Variants in NCOR2 observed in about 807,000 individuals in gnomAD.
NCOR2 encodes nuclear receptor corepressor 2, also known as CTG repeat protein 26.
A neutral mutation model predicts 262.9 loss-of-function variants in NCOR2; 81 were observed. The observed-to-expected ratio is 0.31, with a 90% confidence interval of 0.26 to 0.37. The LOEUF (loss-of-function observed/expected upper bound fraction) is 0.37, where lower values mean the gene tolerates loss of function less well. Ranked by LOEUF, NCOR2 falls within the 10% of genes least tolerant of loss-of-function variation. NCOR2 has a pLI of 1.00. For missense variants in NCOR2, 3,385 were observed against 3,621.4 expected, an observed-to-expected ratio of 0.93 and a Z score of 1.68; for synonymous variants, 1,659 against 1,559.3, an observed-to-expected ratio of 1.06 and a Z score of -1.51.
At chr12:124,327,665 A>C in intron 44 of NCOR2, 32 bp from the exon 47 acceptor site, 4 of 1,530,026 alleles carry the variant, frequency 2.6e-6, no homozygotes, top group African/African-American at 1.4e-5. Flanking sequence ...ACAGACAGAC[A>C]CATGGGGGCC....
chr12:124,367,475 GCCA>G (rs2039130209), intron 20 of NCOR2, among the ~76,000 whole-genome samples: 1 of 152,146 alleles, frequency 6.6e-6, no homozygotes, highest in African/African-American at 2.4e-5. Flanking sequence ...AGAGGGAGCG[GCCA>G]CCAATAGTGG....
At chr12:124,333,346 A>T in intron 41 of NCOR2, 67 bp from the exon 44 acceptor site, 1 of 1,346,128 alleles carries the variant, frequency 7.4e-7, no homozygotes, top group Non-Finnish European at 9.6e-7. Context: ...CCCTCCCTCC[A>T]CTCTAAACCA....
chr12:124,451,796 C>G (rs1392562726), intron 6 of NCOR2, among the ~76,000 whole-genome samples: 1 of 152,186 alleles, frequency 6.6e-6, no homozygotes. Flanking sequence ...GGGGATAGAG[C>G]TGAACACACC....
At chr12:124,383,667 C>A (rs148743174) in intron 17 of NCOR2, among the ~76,000 whole-genome samples, 104 of 152,360 alleles carry the variant, frequency 6.8e-4, no homozygotes, top group African/African-American at 2.3e-3. Flanking sequence ...CTCTGGCAGG[C>A]ACTAAGGACC....
intron 5 of NCOR2, among the ~76,000 whole-genome samples, chr12:124,464,354 C>T (rs2046324265): frequency 6.6e-6 from 1 of 152,114 alleles, no homozygotes; most frequent in South Asian, 2.1e-4. Context: ...TGCTCTCCAC[C>T]GAGGATCAGA....
intron 18 of NCOR2, among the ~76,000 whole-genome samples, chr12:124,377,822 G>C (rs929819083): frequency 1.3e-5 from 2 of 149,394 alleles, no homozygotes; most frequent in African/African-American, 4.9e-5. Context: ...CTGGGCGACA[G>C]AGCAAGACTC....
chr12:124,334,526 C>T lies in NCOR2; in HGVS notation c.6503G>A (p.Cys2168Tyr), dbSNP rs553396387. Residue 2168 changes from cysteine to tyrosine, a missense_variant, in exon 41 of 47, where the codon TGC becomes TAC. Cys to Tyr is a radical substitution (Grantham distance 194, BLOSUM62 -2). Coordinates refer to ENST00000405201, the Ensembl canonical transcript of NCOR2. The stretch of plus-strand genomic sequence containing the variant: ...TGGGCGGCGGAGGTCCAGGACGGGG[C>T]AGCTGGCCCCAGGGAAGGAGTAGAG... The T allele has an allele frequency of 3.5e-6, 5 of 1,435,768 alleles. No individual in the cohort carries two copies. The South Asian group carries it at 6.1e-5, about 18-fold the overall frequency. The allele number at this position is 1,435,768 out of a possible 1,614,324, so 88.9% of individuals were successfully genotyped here.
At chr12:124,456,134 C>T (rs2045839266) in intron 6 of NCOR2, among the ~76,000 whole-genome samples, 1 of 152,224 alleles carries the variant, frequency 6.6e-6, no homozygotes, top group Non-Finnish European at 1.5e-5. Context: ...CCTTGGCCTC[C>T]CATAGCACTG....
At chr12:124,509,501 C>G (rs1460680154) in intron 1 of NCOR2, among the ~76,000 whole-genome samples, 1 of 152,146 alleles carries the variant, frequency 6.6e-6, no homozygotes, top group African/African-American at 2.4e-5. Context: ...AACCAAGAGA[C>G]CTAAGATAGC....
In NCOR2 at chr12:124,507,257, A is replaced by T. The variant is rs1196155456; in HGVS notation, c.-117-11889T>A. ...AGCGATTCAGTTTTGCCACATGAAAAGTGCTGGAGATCGGTTGCTAAACAA... is the reference window on the plus strand; with the variant it reads ...AGCGATTCAGTTTTGCCACATGAAATGTGCTGGAGATCGGTTGCTAAACAA... On this transcript the variant is annotated intron_variant, in intron 1 of 46. Transcript: ENST00000404621. Among the ~76,000 whole-genome samples the T allele has an allele frequency of 2.0e-5, 3 of 152,208 alleles. No homozygotes were observed. The East Asian group carries it at 5.8e-4, about 29-fold the overall frequency.
intron 1 of NCOR2, among the ~76,000 whole-genome samples, chr12:124,547,118 T>C (rs1175637683): frequency 6.6e-6 from 1 of 151,958 alleles, no homozygotes; most frequent in African/African-American, 2.4e-5. Flanking sequence ...CCCTCCTGAG[T>C]AACTGGGATT....
chr12:124,493,815 G>C (rs58525539), intron 1 of NCOR2, among the ~76,000 whole-genome samples: 29,457 of 152,178 alleles, frequency 0.19, 3,075 homozygotes, highest in East Asian at 0.23. Context: ...AGGCACGGGG[G>C]AGTGGGGGGA....
rs774042368 is a variant in NCOR2, at chr12:124,337,367, A to G, written c.5688-187T>C. The G allele has an allele frequency of 5.3e-6, 4 of 759,322 alleles. No individual in the cohort carries two copies. In the South Asian group the frequency reaches 5.9e-5, roughly 11 times the overall value. 47.0% of individuals were successfully genotyped at this position (759,322 alleles called of 1,614,324 possible). On this transcript the variant is annotated intron_variant, in intron 37 of 46. Transcript: ENST00000405201. ...TTTGACCCATCCCACTCATTCGTTCATTCATTCCTTGCATCATTCCAAAAC... is the reference window on the plus strand; with the variant it reads ...TTTGACCCATCCCACTCATTCGTTCGTTCATTCCTTGCATCATTCCAAAAC...
intron 23 of NCOR2, 70 bp downstream of exon 25, chr12:124,356,572 C>G: frequency 7.8e-7 from 1 of 1,279,352 alleles, no homozygotes; most frequent in Non-Finnish European, 1.0e-6. Flanking sequence ...CAGCTCTGAG[C>G]CAGTGCAAAC....
chr12:124,486,484 G>A (rs1425936508), exon 2 of NCOR2: 3 of 1,611,422 alleles, frequency 1.9e-6, no homozygotes, highest in Non-Finnish European at 2.5e-6. Context: ...GAGGGCCTCC[G>A]CCGCTGGGGC....
At chr12:124,486,556 G>A (rs559010954) in exon 2 of NCOR2, 2 of 1,577,212 alleles carry the variant, frequency 1.3e-6, no homozygotes, top group South Asian at 1.2e-5. Context: ...TGGTACTCCA[G>A]GAGCCCGACG....
intron 1 of NCOR2, among the ~76,000 whole-genome samples, chr12:124,506,609 C>G (rs1252947238): frequency 6.6e-6 from 1 of 152,178 alleles, no homozygotes; most frequent in African/African-American, 2.4e-5. Context: ...GCGGCCCTCC[C>G]CACTTGCGTA....
At chr12:124,462,165 G>A (rs1288835941) in intron 5 of NCOR2, among the ~76,000 whole-genome samples, 3 of 152,042 alleles carry the variant, frequency 2.0e-5, no homozygotes, top group Non-Finnish European at 4.4e-5. Context: ...GTATACACAC[G>A]TGTACCCACA....
At chr12:124,492,610 C>T (rs888555639) in intron 1 of NCOR2, among the ~76,000 whole-genome samples, 2 of 152,160 alleles carry the variant, frequency 1.3e-5, no homozygotes, top group African/African-American at 2.4e-5. Flanking sequence ...GCCAGGTTCC[C>T]GCCACTGACT....
Sources: allele counts gnomAD v4.1 joint callset (sites outside exome capture counted in the v4.1 genomes callset), GRCh38; gene constraint gnomAD v4.1.1; transcripts MANE v1.5; gene names NCBI Gene and HGNC (gene_info 2026-07-23, HGNC 2026-07-21).